The following NEBL variants were observed in gnomAD, a reference collection of about 807,000 sequenced individuals.
NEBL encodes nebulette, also known as LIM and SH3 protein 2.
In NEBL, 122 loss-of-function variants were observed where a neutral mutation model predicts 140.2. The ratio of observed to expected loss-of-function variants is 0.87; its 90% CI spans 0.75 to 1.01. The LOEUF (loss-of-function observed/expected upper bound fraction) is 1.01. Ranked by LOEUF, NEBL falls within the 50% of genes least tolerant of loss-of-function variation. NEBL has a pLI of 0.00. For synonymous variants in NEBL, 436 were observed against 398.9 expected, an observed-to-expected ratio of 1.09 and a Z score of -1.11; for missense variants, 1,365 against 1,231.3, an observed-to-expected ratio of 1.11 and a Z score of -1.62.
chr10:20,795,034 T>A (rs973980497), intron 26 of NEBL, among the ~76,000 whole-genome samples: 1 of 152,160 alleles, frequency 6.6e-6, no homozygotes, highest in South Asian at 2.1e-4. Flanking sequence ...GAACCCAAAC[T>A]CTTGACTATA....
rs763728455 is a variant in NEBL, at chr10:21,146,305, C to A, written c.164+26078G>T. 2.6e-6 allele frequency: 4 copies of A among 1,560,848 alleles called. No homozygotes were observed. The African/African-American group carries it at 4.1e-5, about 16-fold the overall frequency. ...ACCACGTGGCCCTGTCTCAGCACAC[C>A]CATGCAGTATAAACCTGCCCCCAAC... On this transcript the variant is annotated intron_variant, in intron 2 of 6. Coordinates refer to the NEBL transcript ENST00000417816.
At chr10:21,121,066 T>A (rs554202037) in intron 2 of NEBL, among the ~76,000 whole-genome samples, 2 of 152,306 alleles carry the variant, frequency 1.3e-5, no homozygotes, top group South Asian at 4.1e-4. Flanking sequence ...ACATTGGTCC[T>A]GACTGAAAAC....
At chr10:21,083,495 A>ACT (rs1240076832) in intron 2 of NEBL, among the ~76,000 whole-genome samples, 1 of 151,898 alleles carries the variant, frequency 6.6e-6, no homozygotes, top group Non-Finnish European at 1.5e-5. Context: ...GAAGAAGGAA[A>ACT]CTCTCTCTTT....
intron 16 of NEBL, among the ~76,000 whole-genome samples, chr10:20,830,101 G>T (rs1840261919): frequency 6.6e-6 from 1 of 152,178 alleles, no homozygotes; most frequent in African/African-American, 2.4e-5. Context: ...GATCATCCCA[G>T]CGGCTGTGTC....
intron 3 of NEBL, among the ~76,000 whole-genome samples, chr10:21,246,198 C>A (rs1365550787): frequency 6.6e-6 from 1 of 152,170 alleles, no homozygotes; most frequent in Admixed American, 6.5e-5. Flanking sequence ...CACCTTGCAC[C>A]ATGCCAAGTG....
At chr10:20,898,271 G>C (rs755420611), upstream of NEBL, among the ~76,000 whole-genome samples, 1 of 151,586 alleles carries the variant, frequency 6.6e-6, no homozygotes, top group Non-Finnish European at 1.5e-5. Context: ...TAAATCCTAG[G>C]GTAAATTAAT....
intron 3 of NEBL, among the ~76,000 whole-genome samples, chr10:21,019,729 G>C (rs1211896743): frequency 1.3e-5 from 2 of 152,172 alleles, no homozygotes; most frequent in Non-Finnish European, 2.9e-5. Context: ...ACACAGACGG[G>C]GTGTTAGCCG....
chr10:21,135,141 G>T (rs535797191), intron 2 of NEBL, among the ~76,000 whole-genome samples: 12 of 152,320 alleles, frequency 7.9e-5, no homozygotes, highest in African/African-American at 2.9e-4. Flanking sequence ...TCATCCCAGA[G>T]CTCAAGCTGA....
At chr10:20,916,480 C>T (rs938039932) in intron 4 of NEBL, among the ~76,000 whole-genome samples, 1 of 152,188 alleles carries the variant, frequency 6.6e-6, no homozygotes, top group South Asian at 2.1e-4. Context: ...GATCTTGGCT[C>T]ACCACAACCT....
intron 3 of NEBL, among the ~76,000 whole-genome samples, chr10:21,191,020 A>G (rs909884714): frequency 6.6e-6 from 1 of 152,120 alleles, no homozygotes; most frequent in African/African-American, 2.4e-5. Flanking sequence ...GTGTTCCCCC[A>G]TTTATAATTA....
chr10:20,931,591 G>C (rs1305745956), intron 4 of NEBL, among the ~76,000 whole-genome samples: 2 of 152,034 alleles, frequency 1.3e-5, no homozygotes, highest in Non-Finnish European at 1.5e-5. Flanking sequence ...AGGCCTCCTG[G>C]GGGAGGCTCC....
intron 4 of NEBL, among the ~76,000 whole-genome samples, chr10:20,920,546 A>C (rs1954225): frequency 0.75 from 114,844 of 152,154 alleles, 43,497 homozygotes; most frequent in Admixed American, 0.83. Context: ...GTGTACTGTA[A>C]ATTACCATTT....
intron 4 of NEBL, among the ~76,000 whole-genome samples, chr10:20,938,675 A>T (rs894221440): frequency 1.3e-5 from 2 of 152,192 alleles, no homozygotes; most frequent in Non-Finnish European, 2.9e-5. Flanking sequence ...CATGGCAAAG[A>T]AGTTAAAAAC....
chr10:21,038,984 A>T (rs1403776235), intron 2 of NEBL, among the ~76,000 whole-genome samples: 1 of 147,146 alleles, frequency 6.8e-6, no homozygotes, highest in Admixed American at 6.8e-5. Flanking sequence ...TTTCCTTCAT[A>T]TGTTTGTTGG....
At chr10:21,001,493 GGAAA>G (rs1302977275) in intron 3 of NEBL, among the ~76,000 whole-genome samples, 1 of 151,916 alleles carries the variant, frequency 6.6e-6, no homozygotes, top group East Asian at 1.9e-4. Context: ...GATACTCCAG[GGAAA>G]GAAACCCCAA....
chr10:21,287,016 A>G (rs193167651), intron 1 of NEBL, among the ~76,000 whole-genome samples: 1 of 152,282 alleles, frequency 6.6e-6, no homozygotes, highest in Admixed American at 6.5e-5. Flanking sequence ...GTCAAGATCC[A>G]AGTAATCAGA....
At chr10:20,894,785 C>A (rs1472716971) in intron 2 of NEBL, among the ~76,000 whole-genome samples, 1 of 150,214 alleles carries the variant, frequency 6.7e-6, no homozygotes, top group Non-Finnish European at 1.5e-5. Context: ...AAAAATTAGC[C>A]GGGCTTAGTG....
chr10:20,986,189 T>C (rs1048110134), intron 3 of NEBL, among the ~76,000 whole-genome samples: 1 of 152,146 alleles, frequency 6.6e-6, no homozygotes, highest in African/African-American at 2.4e-5. Flanking sequence ...TCCAAATTAG[T>C]ACAATATAAC....
At chr10:21,044,127 T>C (rs1370667863) in intron 2 of NEBL, among the ~76,000 whole-genome samples, 1 of 152,176 alleles carries the variant, frequency 6.6e-6, no homozygotes, top group African/African-American at 2.4e-5. Context: ...CAGGGCACGA[T>C]GGCTCACGCC....
Sources: allele counts gnomAD v4.1 joint callset (sites outside exome capture counted in the v4.1 genomes callset), GRCh38; gene constraint gnomAD v4.1.1; transcripts MANE v1.5; gene names NCBI Gene and HGNC (gene_info 2026-07-23, HGNC 2026-07-21).